Variants in DGCR8 observed in about 807,000 individuals in gnomAD.
The protein encoded by DGCR8 is microprocessor complex subunit DGCR8.
DGCR8 carries 14 observed loss-of-function variants against 78.5 expected under a neutral mutation model. That is an observed-to-expected ratio of 0.18 (90% CI 0.12 to 0.28). The LOEUF is 0.28. DGCR8 is among the 10% of genes least tolerant of loss of function. DGCR8 has a pLI of 1.00. For missense variants in DGCR8, 702 were observed against 1,022.5 expected (o/e 0.69, Z 4.28); for synonymous variants, 399 against 402.4 (o/e 0.99, Z 0.10).
In DGCR8 at chr22:20,087,132, G is replaced by C. The variant is rs1248996020; in HGVS notation, c.721-30G>C. 6.3e-7 allele frequency: 1 copy of C among 1,586,140 alleles called. No individual in the cohort carries two copies. Among genetic ancestry groups the C allele is most frequent in the Admixed American group, 1.7e-5 (1 of 57,386 alleles). Reference sequence around the variant, plus strand: ...TGTTGCAGGAGCATGAGCGCCAGGGGCTCTGGTGTCTGAACAGCGTGTTTT... The same window carrying C: ...TGTTGCAGGAGCATGAGCGCCAGGGCCTCTGGTGTCTGAACAGCGTGTTTT... On this transcript the variant is annotated intron_variant, in intron 2 of 13. Coordinates refer to ENST00000351989, the MANE Select transcript of DGCR8 (RefSeq NM_022720.7). The surrounding 1 kb of genome is among the most constrained non-coding windows in gnomAD (Gnocchi z 4.1).
chr22:20,101,215 G>T (rs1456514266), intron 9 of DGCR8: 1 of 985,294 alleles, frequency 1.0e-6, no homozygotes, highest in Non-Finnish European at 1.2e-6. Context: ...ATGATGCCAT[G>T]CCTTGGTTTA....
chr22:20,096,963 T>C (rs948538857), intron 9 of DGCR8, among the ~76,000 whole-genome samples: 6 of 152,208 alleles, frequency 3.9e-5, no homozygotes, highest in African/African-American at 1.4e-4. Flanking sequence ...AGTAATATAG[T>C]GTATTATATT....
intron 1 of DGCR8, among the ~76,000 whole-genome samples, chr22:20,082,425 G>C (rs1322126964): frequency 6.7e-6 from 1 of 150,330 alleles, no homozygotes; most frequent in African/African-American, 2.5e-5. Context: ...GGAGTGCAGT[G>C]GTGCGATCTC....
chr22:20,095,261 A>G (rs1169351939), intron 9 of DGCR8, among the ~76,000 whole-genome samples: 1 of 152,008 alleles, frequency 6.6e-6, no homozygotes, highest in East Asian at 1.9e-4. Context: ...GTGTGCCACC[A>G]TTTCTGGCTA....
rs1394224836 is a variant in DGCR8, at chr22:20,091,982, C to T, written c.1606+12C>T. The T allele has an allele frequency of 6.9e-6, 11 of 1,602,434 alleles. No homozygotes were observed. Among genetic ancestry groups the T allele is most frequent in the East Asian group, 2.2e-5 (1 of 44,700 alleles). The stretch of plus-strand genomic sequence containing the variant: ...TTTCTTTGAATGTGGTAAGTCTAAC[C>T]TTCCCCATTTCAGTCCTAAAGAATC... On this transcript the variant is annotated intron_variant, in intron 7 of 13. Transcript: ENST00000351989.
Position 20,085,885 on chromosome 22 carries a change from T to G in DGCR8, c.-79T>G. The G allele has an allele frequency of 3.3e-6, 5 of 1,502,904 alleles. No homozygotes were observed. The highest frequency in any genetic ancestry group is 4.4e-6 in the Non-Finnish European group (5 of 1,133,780). 93.1% of individuals were successfully genotyped at this position (1,502,904 alleles called of 1,614,324 possible). On this transcript the variant is annotated 5_prime_UTR_variant, in exon 2 of 14. Transcript: ENST00000351989. The surrounding 1 kb of genome is among the most constrained non-coding windows in gnomAD (Gnocchi z 6.2). ...AGGACGCGCCCGGGTCTCAGCGGAC[T>G]TGTGCATGTTAGCTGTGTAGATTTA...
chr22:20,102,422 C>T (rs1185965675), intron 9 of DGCR8, among the ~76,000 whole-genome samples: 1 of 152,156 alleles, frequency 6.6e-6, no homozygotes, highest in East Asian at 1.9e-4. Context: ...GGTGGCTGTG[C>T]CCCTCAGTGC....
At position 20,111,279 on chromosome 22, in the gene DGCR8, C is replaced by G. The variant is rs147125869; in HGVS notation, c.*1171C>G. On this transcript the variant is annotated 3_prime_UTR_variant, in exon 14 of 14. Coordinates refer to ENST00000351989, the MANE Select transcript of DGCR8 (RefSeq NM_022720.7). ...TGGCACCTGTGCAGAGTGCCGTGTG[C>G]TTGTGGTGCGCCATCTGAAGCAAGA... 3.8e-5 allele frequency: 15 copies of G among 398,492 alleles called. No homozygotes were observed. The highest frequency in any genetic ancestry group is 5.3e-5 in the Non-Finnish European group (12 of 226,124). The allele number at this position is 398,492 out of a possible 1,614,324, so 24.7% of individuals were successfully genotyped here. A position where few individuals can be genotyped will look rare whatever the true frequency, so the allele number is the denominator to read the frequency against.
Position 20,111,862 on chromosome 22 carries a change from A to C in DGCR8, c.*1754A>C, listed in dbSNP as rs41281427. On this transcript the variant is annotated 3_prime_UTR_variant, in exon 14 of 14. Transcript: ENST00000351989. ...TTGATTGTCTGAACACATAAAGCAA[A>C]CTGTCCAGAAGGGAATGGCTGATGT... is the stretch of plus-strand genomic sequence containing the variant. The C allele has an allele frequency of 1.4e-4, 24 of 168,320 alleles. No homozygotes were observed. The highest frequency in any genetic ancestry group is 2.2e-4 in the Non-Finnish European group (17 of 78,872). 10.4% of individuals were successfully genotyped at this position (168,320 alleles called of 1,614,324 possible).
At chr22:20,099,214 T>C (rs7284918) in intron 9 of DGCR8, among the ~76,000 whole-genome samples, 20,007 of 152,246 alleles carry the variant, frequency 0.13, 1,709 homozygotes, top group Non-Finnish European at 0.19. Flanking sequence ...CTGTGCGCAG[T>C]CATCTCCAGA....
intron 12 of DGCR8, chr22:20,107,674 A>G: frequency 2.2e-6 from 1 of 449,504 alleles, no homozygotes. Flanking sequence ...CCAAAGTGCA[A>G]GGCAGGGCCA....
In DGCR8 at chr22:20,086,991, G is replaced by A; in HGVS notation, c.721-171G>A. ...CCCTGGACCAGGTGTGTTGGTGTCA[G>A]CTGGTAGCTTCATCCTGTTTGTTTT... On this transcript the variant is annotated intron_variant, in intron 2 of 13. Coordinates refer to ENST00000351989, the MANE Select transcript of DGCR8 (RefSeq NM_022720.7). This position sits in a 1 kb window ranked among gnomAD's most constrained non-coding sequence, Gnocchi z 6.4. 1 of 902,936 alleles carries A rather than the reference G, an allele frequency of 1.1e-6. No homozygotes were observed. Among genetic ancestry groups the A allele is most frequent in the Non-Finnish European group, 1.7e-6 (1 of 601,326 alleles). 55.9% of individuals were successfully genotyped at this position (902,936 alleles called of 1,614,324 possible). A position where few individuals can be genotyped will look rare whatever the true frequency, so the allele number is the denominator to read the frequency against.
intron 9 of DGCR8, among the ~76,000 whole-genome samples, chr22:20,098,178 A>T (rs969502259): frequency 1.3e-5 from 2 of 151,484 alleles, no homozygotes; most frequent in Non-Finnish European, 2.9e-5. Flanking sequence ...TGGGGTAGAG[A>T]TGGGGTTTCA....
At chr22:20,104,181 G>C (rs1240833796) in intron 9 of DGCR8, among the ~76,000 whole-genome samples, 1 of 147,554 alleles carries the variant, frequency 6.8e-6, no homozygotes, top group Non-Finnish European at 1.5e-5. Context: ...TTTTTGAGAC[G>C]GAGTCTCGCT....
chr22:20,100,763 G>C, intron 9 of DGCR8: 1 of 985,394 alleles, frequency 1.0e-6, no homozygotes, highest in Non-Finnish European at 1.2e-6. Context: ...GCATGTGGTG[G>C]CTTCCGCTGT....
intron 9 of DGCR8, chr22:20,101,785 G>A: frequency 1.0e-6 from 1 of 985,354 alleles, no homozygotes; most frequent in Non-Finnish European, 1.2e-6. Context: ...CCAGCTGCCT[G>A]TGCAGAGGTG....
chr22:20,100,591 C>T (rs2147933411), intron 9 of DGCR8: 1 of 985,414 alleles, frequency 1.0e-6, no homozygotes, highest in East Asian at 1.1e-4. Flanking sequence ...GTCCATGAAC[C>T]ACTGTGGTTT....
At chr22:20,102,640 G>A (rs1375284004) in intron 9 of DGCR8, among the ~76,000 whole-genome samples, 5 of 152,198 alleles carry the variant, frequency 3.3e-5, no homozygotes, top group South Asian at 2.1e-4. Context: ...CTAGGTGACC[G>A]TGGAAGTGTG....
At chr22:20,082,118 G>A (rs973897602) in intron 1 of DGCR8, among the ~76,000 whole-genome samples, 1 of 150,556 alleles carries the variant, frequency 6.6e-6, no homozygotes, top group African/African-American at 2.5e-5. Flanking sequence ...GTGCAGTGGC[G>A]TGATCTCAGC....
Sources: allele counts gnomAD v4.1 joint callset (sites outside exome capture counted in the v4.1 genomes callset), GRCh38; gene constraint gnomAD v4.1.1; non-coding constraint Gnocchi (gnomAD v3.1); transcripts MANE v1.5; gene names NCBI Gene and HGNC (gene_info 2026-07-23, HGNC 2026-07-21).